The following NWD2 variants were observed in gnomAD, a reference collection of about 807,000 sequenced individuals.
The protein encoded by NWD2 is NACHT and WD repeat domain containing 2.
NWD2 carries 37 observed loss-of-function variants against 132.7 expected under a neutral mutation model. The ratio of observed to expected loss-of-function variants is 0.28; its 90% CI spans 0.21 to 0.37. The LOEUF (loss-of-function observed/expected upper bound fraction) is 0.37. Among genes scored for constraint, NWD2 ranks in the 10% least tolerant of loss-of-function variants. The pLI, the probability that NWD2 is intolerant of heterozygous loss-of-function variation, is 1.00. For missense variants in NWD2, 1,592 were observed against 2,122.4 expected (o/e 0.75, Z 4.91); for synonymous variants, 705 against 803.0 (o/e 0.88, Z 2.06).
At chr4:37,280,241 A>G (rs1270161880) in intron 1 of NWD2, among the ~76,000 whole-genome samples, 1 of 152,242 alleles carries the variant, frequency 6.6e-6, no homozygotes, top group Non-Finnish European at 1.5e-5. Flanking sequence ...CTAATATTAA[A>G]CATTGAAATA....
In NWD2 at chr4:37,410,189, G is replaced by T. The variant is rs562987700; in HGVS notation, c.358-20383G>T. Among the ~76,000 whole-genome samples, 12 of 152,238 alleles carry T rather than the reference G, an allele frequency of 7.9e-5. No homozygotes were observed. The South Asian group carries it at 2.5e-3, about 32-fold the overall frequency. On this transcript the variant is annotated intron_variant, in intron 3 of 6. Coordinates refer to ENST00000309447, the MANE Select transcript of NWD2 (RefSeq NM_001144990.2). ...AAAGGTAAACGAGCTAAATGCCCCA[G>T]TTAGAAGACACAGACTGGCAAATTG...
chr4:37,424,916 G>C (rs1437973478), intron 3 of NWD2, among the ~76,000 whole-genome samples: 1 of 152,144 alleles, frequency 6.6e-6, no homozygotes, highest in Non-Finnish European at 1.5e-5. Flanking sequence ...AGTTGCAGCA[G>C]AGCTAACTGC....
chr4:37,263,666 A>G (rs1316394816), intron 1 of NWD2, among the ~76,000 whole-genome samples: 1 of 148,580 alleles, frequency 6.7e-6, no homozygotes, highest in Non-Finnish European at 1.5e-5. Context: ...TTGATGATTT[A>G]GAGTAGAAGT....
At chr4:37,409,523 C>G (rs1204834275) in intron 3 of NWD2, among the ~76,000 whole-genome samples, 5 of 152,028 alleles carry the variant, frequency 3.3e-5, no homozygotes, top group Non-Finnish European at 7.4e-5. Context: ...AAGACCAAAT[C>G]TACGTGTGAT....
intron 1 of NWD2, among the ~76,000 whole-genome samples, chr4:37,288,634 G>C (rs559709118): frequency 6.6e-6 from 1 of 152,176 alleles, no homozygotes; most frequent in African/African-American, 2.4e-5. Flanking sequence ...AAGTCTAGTG[G>C]TTACATTCTG....
Position 37,438,936 on chromosome 4 carries a change from T to C in NWD2, c.842T>C (p.Ile281Thr), listed in dbSNP as rs1477039896. The stretch of plus-strand genomic sequence containing the variant: ...CCAGAGATGGGAAAATACATGGATA[T>C]AACTGGAACAGAACCGAGGATTATT... ...KIPEMGKYMD[I>T]TGTEPRIIRD... is the part of the protein sequence containing the mutation. Residue 281 changes from isoleucine to threonine, a missense_variant, in exon 6 of 7, where the codon ATA becomes ACA. By Grantham distance (89) the Ile-to-Thr change is moderately conservative. Coordinates refer to ENST00000309447, the MANE Select transcript of NWD2 (RefSeq NM_001144990.2). 6.4e-7 allele frequency: 1 copy of C among 1,552,084 alleles called. No homozygotes were observed.
At chr4:37,327,274 G>A (rs1904472) in intron 2 of NWD2, among the ~76,000 whole-genome samples, 110,666 of 152,026 alleles carry the variant, frequency 0.73, 40,684 homozygotes, top group East Asian at 0.99. Context: ...TGAGCTATAG[G>A]ACAGCTTCTA....
intron 3 of NWD2, among the ~76,000 whole-genome samples, chr4:37,398,376 C>T (rs1720841931): frequency 6.6e-6 from 1 of 152,198 alleles, no homozygotes; most frequent in Admixed American, 6.5e-5. Flanking sequence ...TGCATGTTCT[C>T]AGTCATAAGT....
Position 37,439,214 on chromosome 4 carries a change from C to T in NWD2, c.1120C>T (p.Leu374Phe), listed in dbSNP as rs1340114208. 2 of 1,550,326 alleles carry T rather than the reference C, an allele frequency of 1.3e-6. No individual in the cohort carries two copies. Among genetic ancestry groups the T allele is most frequent in the South Asian group, 1.2e-5 (1 of 83,748 alleles). Reference protein sequence around the residue: ...TETDTLYDEILQHSSLCKTYA... With the variant: ...TETDTLYDEIFQHSSLCKTYA... ...AACTGATACACTCTATGATGAAATC[C>T]TTCAACATTCATCATTATGTAAAAC... Residue 374 changes from leucine to phenylalanine, a missense_variant, in exon 6 of 7, where the codon CTT (leucine) becomes TTT (phenylalanine). By Grantham distance (22) the Leu-to-Phe change is conservative. Transcript: ENST00000309447. The surrounding 1 kb of genome is among the most constrained non-coding windows in gnomAD (Gnocchi z 4.5).
intron 3 of NWD2, among the ~76,000 whole-genome samples, chr4:37,395,584 CAAAA>C (rs1156884728): frequency 1.3e-3 from 23 of 18,280 alleles, no homozygotes; most frequent in South Asian, 5.0e-3. Context: ...AACTCTGTCT[CAAAA>C]AAAAAAAAAA....
chr4:37,429,942 C>T (rs906591490), intron 3 of NWD2, among the ~76,000 whole-genome samples: 6 of 149,992 alleles, frequency 4.0e-5, no homozygotes, highest in Non-Finnish European at 7.4e-5. Context: ...CCCATCAGCA[C>T]TCTATGGTTA....
At chr4:37,305,364 A>T (rs1285849993) in intron 1 of NWD2, among the ~76,000 whole-genome samples, 2 of 152,170 alleles carry the variant, frequency 1.3e-5, no homozygotes, top group African/African-American at 4.8e-5. Context: ...CTTTTTACTT[A>T]TGCAGATTTC....
intron 3 of NWD2, among the ~76,000 whole-genome samples, chr4:37,386,406 TA>T (rs1360920270): frequency 1.3e-5 from 2 of 152,198 alleles, no homozygotes; most frequent in African/African-American, 4.8e-5. Context: ...ATCCTTTTTC[TA>T]CCCAAGCCCT....
At chr4:37,313,681 G>A (rs1177379105) in intron 1 of NWD2, among the ~76,000 whole-genome samples, 1 of 150,822 alleles carries the variant, frequency 6.6e-6, no homozygotes, top group Non-Finnish European at 1.5e-5. Context: ...TTGTTGATGA[G>A]TTTTTTGTTT....
intron 1 of NWD2, among the ~76,000 whole-genome samples, chr4:37,276,147 T>A (rs1449218293): frequency 6.6e-6 from 1 of 151,986 alleles, no homozygotes; most frequent in African/African-American, 2.4e-5. Flanking sequence ...AAAACTACCA[T>A]TGGAGTGAAC....
intron 3 of NWD2, among the ~76,000 whole-genome samples, chr4:37,375,757 C>T (rs1330298508): frequency 1.3e-5 from 2 of 151,990 alleles, no homozygotes; most frequent in South Asian, 2.1e-4. Context: ...TTAGTAGAGA[C>T]GGGGTTTCAC....
intron 1 of NWD2, among the ~76,000 whole-genome samples, chr4:37,274,309 G>A (rs989667095): frequency 1.1e-4 from 16 of 152,240 alleles, no homozygotes; most frequent in Admixed American, 3.9e-4. Context: ...ACACCTCTGC[G>A]CAAATAAACT....
intron 4 of NWD2, among the ~76,000 whole-genome samples, chr4:37,431,060 T>C (rs1376968586): frequency 6.6e-6 from 1 of 152,174 alleles, no homozygotes; most frequent in Non-Finnish European, 1.5e-5. Context: ...TGTTACACTG[T>C]TGGTGGGACT....
intron 1 of NWD2, among the ~76,000 whole-genome samples, chr4:37,291,256 CA>C (rs959783853): frequency 2.0e-5 from 3 of 152,046 alleles, no homozygotes; most frequent in Non-Finnish European, 2.9e-5. Context: ...GTAGCCATAA[CA>C]AAAATAATAG....
Sources: gnomAD v4.1 joint callset for allele counts (sites outside exome capture counted in the v4.1 genomes callset) on GRCh38, gnomAD v4.1.1 for gene constraint, Gnocchi (gnomAD v3.1) non-coding constraint, MANE v1.5 for transcripts, NCBI Gene and HGNC (gene_info 2026-07-23, HGNC 2026-07-21) for gene names.